Variants in DEPDC1B observed in about 807,000 individuals in gnomAD.
DEPDC1B encodes the protein DEP domain-containing protein 1B.
In DEPDC1B, 51 loss-of-function variants were observed where a neutral mutation model predicts 66.5. The observed-to-expected ratio is 0.77, with a 90% confidence interval of 0.61 to 0.97. The LOEUF (loss-of-function observed/expected upper bound fraction) is 0.97, where lower values mean the gene tolerates loss of function less well. DEPDC1B is among the 50% of genes least tolerant of loss of function. The probability of loss-of-function intolerance (pLI) is 0.00; values close to 1 mark genes in which losing one functional copy is unlikely to be tolerated. For missense variants in DEPDC1B, 552 were observed against 637.1 expected (o/e 0.87, Z 1.44); for synonymous variants, 226 against 223.6 (o/e 1.01, Z -0.10).
Position 60,603,570 on chromosome 5 carries a change from A to G in DEPDC1B, c.1066-3T>C, listed in dbSNP as rs1038773480. 3.8e-6 allele frequency: 6 copies of G among 1,584,640 alleles called. No homozygotes were observed. In the African/African-American group the frequency reaches 6.8e-5, roughly 18 times the overall value. On this transcript the variant is annotated splice_polypyrimidine_tract_variant and splice_region_variant and intron_variant, in intron 8 of 10. Transcript: ENST00000265036. ...CAACGGGAAAATGTCTGAACCATCT[A>G]AAAAAAGAGCGGGGTGGGGGGTAAA...
At chr5:60,641,475 C>T (rs888314957) in intron 6 of DEPDC1B, among the ~76,000 whole-genome samples, 6 of 151,854 alleles carry the variant, frequency 4.0e-5, no homozygotes, top group Admixed American at 2.0e-4. Context: ...CAGGCGCCCG[C>T]CACCAAGCCC....
intron 2 of DEPDC1B, among the ~76,000 whole-genome samples, chr5:60,683,502 T>C (rs924245232): frequency 6.6e-6 from 1 of 151,564 alleles, no homozygotes; most frequent in Non-Finnish European, 1.5e-5. Flanking sequence ...AACAACAGAA[T>C]GAAGGACAAA....
At chr5:60,671,303 C>A (rs547376246) in intron 2 of DEPDC1B, among the ~76,000 whole-genome samples, 1 of 152,296 alleles carries the variant, frequency 6.6e-6, no homozygotes, top group East Asian at 1.9e-4. Flanking sequence ...AAAGCACCAA[C>A]GTGTGGGCAA....
At chr5:60,623,139 A>G (rs1752743346) in intron 7 of DEPDC1B, among the ~76,000 whole-genome samples, 1 of 152,144 alleles carries the variant, frequency 6.6e-6, no homozygotes, top group Non-Finnish European at 1.5e-5. Context: ...TGAATCTGTG[A>G]TCCAGTCCAA....
chr5:60,603,240 G>T (rs1584019221), intron 9 of DEPDC1B, 151 bp downstream of exon 9: 2 of 574,674 alleles, frequency 3.5e-6, no homozygotes, highest in Non-Finnish European at 5.3e-6. Context: ...ACAAACACAT[G>T]CAGGGGATTA....
intron 8 of DEPDC1B, among the ~76,000 whole-genome samples, chr5:60,604,241 T>TTTTTTTTTTTTTTTG (rs1554050497): frequency 7.0e-6 from 1 of 143,126 alleles, no homozygotes; most frequent in Non-Finnish European, 1.5e-5. Context: ...TTTTTTTTTT[T>TTTTTTTTTTTTTTTG]ACGGAGTCTC....
At position 60,647,997 on chromosome 5, in the gene DEPDC1B, A is replaced by G. The variant is rs1403212066; in HGVS notation, c.315-464T>C. ...AGAAATAAAGAATTATAAAATGTCT[A>G]TAGTGTTCAAGGGAAGTTTATATGA... On this transcript the variant is annotated intron_variant, in intron 2 of 10. Transcript: ENST00000265036. 4.6e-5 allele frequency: 7 copies of G among 153,036 alleles called. No individual in the cohort carries two copies. In the East Asian group the frequency reaches 1.1e-3, roughly 25 times the overall value. The allele number at this position is 153,036 out of a possible 1,614,324, so 9.5% of individuals were successfully genotyped here. A position where few individuals can be genotyped will look rare whatever the true frequency, so the allele number is the denominator to read the frequency against.
Position 60,667,991 on chromosome 5 carries a change from T to TTATATATATAAAATGGATATTATA in DEPDC1B, c.314+18970_314+18971insTATAATATCCATTTTATATATATA. Among the ~76,000 whole-genome samples the TTATATATATAAAATGGATATTATA allele has an allele frequency of 2.1e-5, 2 of 93,762 alleles. 1 individual carries two copies. The highest frequency in any genetic ancestry group is 8.3e-4 in the East Asian group (2 of 2,404). 61.5% of individuals were successfully genotyped at this position (93,762 alleles called of 152,430 possible). A position where few individuals can be genotyped will look rare whatever the true frequency, so the allele number is the denominator to read the frequency against. ...ATATTTTATATATATAAAATGGATA[T>TTATATATATAAAATGGATATTATA]TATATATATAAAATGGATATTTTAT... On this transcript the variant is annotated intron_variant, in intron 2 of 10. Coordinates refer to ENST00000265036, the MANE Select transcript of DEPDC1B (RefSeq NM_018369.3).
At chr5:60,616,567 T>C (rs1180755033) in intron 7 of DEPDC1B, among the ~76,000 whole-genome samples, 1 of 151,900 alleles carries the variant, frequency 6.6e-6, no homozygotes, top group East Asian at 1.9e-4. Context: ...ATGAATGAAA[T>C]GAAGCGAGAA....
rs745745953 is a variant in DEPDC1B, at chr5:60,603,577, G to C, written c.1066-10C>G. On this transcript the variant is annotated splice_polypyrimidine_tract_variant and intron_variant, in intron 8 of 10. Coordinates refer to ENST00000265036, the MANE Select transcript of DEPDC1B (RefSeq NM_018369.3). ...AAAATGTCTGAACCATCTAAAAAAAGAGCGGGGTGGGGGGTAAACGCAGAT... is the reference window on the plus strand; with the variant it reads ...AAAATGTCTGAACCATCTAAAAAAACAGCGGGGTGGGGGGTAAACGCAGAT... 3 of 1,580,750 alleles carry C rather than the reference G, an allele frequency of 1.9e-6. No homozygotes were observed. The highest frequency in any genetic ancestry group is 1.9e-5 in the Admixed American group (1 of 52,292).
In DEPDC1B at chr5:60,653,109, C is replaced by T. The variant is rs115246530; in HGVS notation, c.315-5576G>A. Among the ~76,000 whole-genome samples, 806 of 149,392 alleles carry T rather than the reference C, an allele frequency of 5.4e-3. 21 individuals carry two copies. The highest frequency in any genetic ancestry group is 8.5e-3 in the Non-Finnish European group (580 of 67,912). On this transcript the variant is annotated intron_variant, in intron 2 of 10. Coordinates refer to ENST00000265036, the MANE Select transcript of DEPDC1B (RefSeq NM_018369.3). ...TCTTTTTCGTATAATGACTTCCTTT[C>T]CTCTGGGTCGATACCCAGTTGTGGG...
intron 2 of DEPDC1B, among the ~76,000 whole-genome samples, chr5:60,649,758 T>C (rs1753400256): frequency 6.6e-6 from 1 of 152,056 alleles, no homozygotes; most frequent in Non-Finnish European, 1.5e-5. Context: ...AAAAAGACAG[T>C]GTGCCCCCCT....
At chr5:60,620,596 T>G (rs1277634270) in intron 7 of DEPDC1B, among the ~76,000 whole-genome samples, 2 of 152,102 alleles carry the variant, frequency 1.3e-5, no homozygotes, top group African/African-American at 4.8e-5. Flanking sequence ...TGAGATACCA[T>G]CTCACACCAG....
chr5:60,605,724 G>A lies in DEPDC1B; in HGVS notation c.1031C>T (p.Pro344Leu), dbSNP rs1318406844. The A allele has an allele frequency of 1.9e-6, 3 of 1,612,502 alleles. No individual in the cohort carries two copies. Among genetic ancestry groups the A allele is most frequent in the Non-Finnish European group, 8.5e-7 (1 of 1,179,284 alleles). ...MARICLNKEM[P>L]PLCDGFGTRT... is the part of the protein sequence containing the mutation. ...GGTACCAAAGCCATCACACAGGGGTGGCATCTCTTTGTTTAAGCAAATCCT... is the reference window on the plus strand; with the variant it reads ...GGTACCAAAGCCATCACACAGGGGTAGCATCTCTTTGTTTAAGCAAATCCT... Residue 344 changes from proline to leucine, a missense_variant, in exon 8 of 11, where the codon CCA (proline) becomes CTA (leucine). Physicochemically the swap from Pro to Leu is moderately conservative, Grantham distance 98 (BLOSUM62 -3). Coordinates refer to ENST00000265036, the MANE Select transcript of DEPDC1B (RefSeq NM_018369.3).
chr5:60,674,857 G>A (rs1754120165), intron 2 of DEPDC1B, among the ~76,000 whole-genome samples: 1 of 152,076 alleles, frequency 6.6e-6, no homozygotes, highest in South Asian at 2.1e-4. Flanking sequence ...ACAAGATGGG[G>A]GTGGCGGATA....
At chr5:60,656,762 CAG>C (rs3029125) in intron 2 of DEPDC1B, among the ~76,000 whole-genome samples, 35 of 152,268 alleles carry the variant, frequency 2.3e-4, no homozygotes, top group Non-Finnish European at 4.3e-4. Flanking sequence ...AACTCACTCT[CAG>C]GGGAACAGCA....
chr5:60,602,323 T>G (rs965952629), intron 9 of DEPDC1B, among the ~76,000 whole-genome samples: 3 of 151,984 alleles, frequency 2.0e-5, no homozygotes, highest in African/African-American at 7.3e-5. Flanking sequence ...GGTGTGTTTT[T>G]TCTATATTTC....
At chr5:60,685,068 T>G (rs1429030484) in intron 2 of DEPDC1B, among the ~76,000 whole-genome samples, 1 of 152,190 alleles carries the variant, frequency 6.6e-6, no homozygotes. Flanking sequence ...AAATCTAACC[T>G]GCCTCTCGCT....
intron 7 of DEPDC1B, among the ~76,000 whole-genome samples, chr5:60,622,280 C>T (rs921893526): frequency 6.6e-6 from 1 of 152,140 alleles, no homozygotes; most frequent in Non-Finnish European, 1.5e-5. Flanking sequence ...TGCTTTCTGC[C>T]TCCATAGATT....
Sources: gnomAD v4.1 joint callset for allele counts (sites outside exome capture counted in the v4.1 genomes callset) on GRCh38, gnomAD v4.1.1 for gene constraint, MANE v1.5 for transcripts, NCBI Gene and HGNC (gene_info 2026-07-23, HGNC 2026-07-21) for gene names.